The following BABAM2 variants were observed in gnomAD, a reference collection of about 807,000 sequenced individuals.
BABAM2 encodes BRISC and BRCA1 A complex member 2, also known as BRISC and BRCA1-A complex member 2.
In BABAM2, 31 loss-of-function variants were observed where a neutral mutation model predicts 54.7. The observed-to-expected ratio is 0.57, with a 90% CI of 0.43 to 0.77. BABAM2 has a LOEUF of 0.77. Ranked by LOEUF, BABAM2 falls within the 30% of genes least tolerant of loss-of-function variation. The pLI is 0.00. For missense variants in BABAM2, 364 were observed against 455.8 expected (o/e 0.80, Z 1.83); for synonymous variants, 167 against 162.9 (o/e 1.03, Z -0.19).
chr2:28,337,479 G>T (rs932615560), intron 11 of BABAM2, among the ~76,000 whole-genome samples: 2 of 152,216 alleles, frequency 1.3e-5, no homozygotes, highest in African/African-American at 4.8e-5. Context: ...CTGACACAGT[G>T]TGGGCTCGGC....
intron 5 of BABAM2, among the ~76,000 whole-genome samples, chr2:28,038,104 A>G (rs1365342307): frequency 6.6e-6 from 1 of 152,214 alleles, no homozygotes; most frequent in Non-Finnish European, 1.5e-5. Context: ...AAAACAAAAC[A>G]TTATAGTAAA....
intron 5 of BABAM2, among the ~76,000 whole-genome samples, chr2:28,037,853 A>C (rs1676776437): frequency 6.6e-6 from 1 of 152,204 alleles, no homozygotes; most frequent in Non-Finnish European, 1.5e-5. Context: ...AGAGTGATCA[A>C]AGCAGGCAGA....
intron 4 of BABAM2, among the ~76,000 whole-genome samples, chr2:28,001,856 AC>A (rs1338272774): frequency 1.3e-5 from 2 of 152,018 alleles, no homozygotes; most frequent in Non-Finnish European, 1.5e-5. Context: ...TATGCACCAA[AC>A]ACCTCCCACC....
intron 11 of BABAM2, among the ~76,000 whole-genome samples, chr2:28,333,842 A>G (rs1295569803): frequency 6.6e-6 from 1 of 152,202 alleles, no homozygotes; most frequent in East Asian, 1.9e-4. Context: ...AGCTTACTAC[A>G]TACTTTGTCT....
chr2:28,144,703 A>G, intron 7 of BABAM2, among the ~76,000 whole-genome samples: 1 of 152,252 alleles, frequency 6.6e-6, no homozygotes. Flanking sequence ...AGAGCAATCC[A>G]GAAGCCACGA....
chr2:28,120,094 C>T (rs1392770799), intron 6 of BABAM2, among the ~76,000 whole-genome samples: 1 of 152,196 alleles, frequency 6.6e-6, no homozygotes, highest in Non-Finnish European at 1.5e-5. Context: ...TAATTTGGCA[C>T]AGTGACTTCT....
At chr2:28,327,158 A>G (rs977843414) in intron 11 of BABAM2, 1 of 1,103,682 alleles carries the variant, frequency 9.1e-7, no homozygotes, top group Non-Finnish European at 1.3e-6. Flanking sequence ...CGCCAGAGAA[A>G]GAAGCTGGTC....
At chr2:28,334,117 C>T (rs1691202310) in intron 11 of BABAM2, among the ~76,000 whole-genome samples, 2 of 152,236 alleles carry the variant, frequency 1.3e-5, no homozygotes. Flanking sequence ...CGCCACGCTT[C>T]CCCTTGGCAG....
chr2:28,097,383 GCATTTTTAT>G (rs1377633948), intron 6 of BABAM2, among the ~76,000 whole-genome samples: 1 of 152,064 alleles, frequency 6.6e-6, no homozygotes, highest in Non-Finnish European at 1.5e-5. Flanking sequence ...TGGCCTAATT[GCATTTTTAT>G]CATTTTTATT....
chr2:28,303,573 G>A (rs1295663617), intron 11 of BABAM2, among the ~76,000 whole-genome samples: 4 of 152,030 alleles, frequency 2.6e-5, no homozygotes, highest in African/African-American at 7.2e-5. Context: ...AATCAGGAAA[G>A]GTATACCAAT....
intron 11 of BABAM2, among the ~76,000 whole-genome samples, chr2:28,333,869 T>G (rs1691181092): frequency 6.6e-6 from 1 of 152,256 alleles, no homozygotes; most frequent in South Asian, 2.1e-4. Flanking sequence ...CAAAGGTTTT[T>G]TCAAAGATGA....
At chr2:28,252,937 G>A (rs921739709) in intron 10 of BABAM2, among the ~76,000 whole-genome samples, 1 of 152,212 alleles carries the variant, frequency 6.6e-6, no homozygotes, top group Non-Finnish European at 1.5e-5. Flanking sequence ...CTTACCCAGT[G>A]AAAGAAAGGA....
At chr2:28,132,907 A>G (rs1389786039) in intron 7 of BABAM2, among the ~76,000 whole-genome samples, 1 of 152,218 alleles carries the variant, frequency 6.6e-6, no homozygotes, top group East Asian at 1.9e-4. Flanking sequence ...ATACACAGTT[A>G]TCAATTGCCT....
chr2:27,954,687 G>T (rs1054334858), intron 3 of BABAM2, among the ~76,000 whole-genome samples: 5 of 152,164 alleles, frequency 3.3e-5, no homozygotes, highest in Admixed American at 1.3e-4. Flanking sequence ...GGCATAAGCC[G>T]ACCAAATATC....
At chr2:28,053,952 T>C (rs1490129148) in intron 6 of BABAM2, among the ~76,000 whole-genome samples, 3 of 152,240 alleles carry the variant, frequency 2.0e-5, no homozygotes, top group Non-Finnish European at 4.4e-5. Flanking sequence ...ATTATGTGTA[T>C]AGAAACATCA....
intron 11 of BABAM2, chr2:28,308,244 T>C: frequency 5.1e-6 from 2 of 393,370 alleles, no homozygotes; most frequent in Non-Finnish European, 4.9e-6. Context: ...AGGCAGTGCT[T>C]AAAGGTGTCC....
intron 10 of BABAM2, among the ~76,000 whole-genome samples, chr2:28,271,492 A>G (rs1455683872): frequency 2.0e-5 from 3 of 152,148 alleles, no homozygotes; most frequent in African/African-American, 7.2e-5. Flanking sequence ...AATAATTTCT[A>G]GTTTTCTTTT....
intron 6 of BABAM2, among the ~76,000 whole-genome samples, chr2:28,127,377 C>A (rs890187409): frequency 6.6e-6 from 1 of 152,022 alleles, no homozygotes; most frequent in Non-Finnish European, 1.5e-5. Context: ...AGTGGTTACC[C>A]TTAGTGGGAA....
chr2:28,300,300 T>C (rs1273770064), intron 11 of BABAM2, among the ~76,000 whole-genome samples: 1 of 152,234 alleles, frequency 6.6e-6, no homozygotes, highest in Non-Finnish European at 1.5e-5. Context: ...CAGATTTATA[T>C]GCAGAATCCA....
Sources: allele counts gnomAD v4.1 joint callset (sites outside exome capture counted in the v4.1 genomes callset), GRCh38; gene constraint gnomAD v4.1.1; transcripts MANE v1.5; gene names NCBI Gene and HGNC (gene_info 2026-07-23, HGNC 2026-07-21).